SLC24A2: variants seen among roughly 807,000 people sequenced by gnomAD.
SLC24A2 encodes the protein solute carrier family 24 member 2.
In SLC24A2, 36 loss-of-function variants were observed where a neutral mutation model predicts 62.0. The observed-to-expected ratio is 0.58, with a 90% confidence interval of 0.44 to 0.77. The LOEUF (loss-of-function observed/expected upper bound fraction) is 0.77, where lower values mean the gene tolerates loss of function less well. Among genes scored for constraint, SLC24A2 ranks in the 30% least tolerant of loss-of-function variants. The probability of loss-of-function intolerance (pLI) is 0.00; values close to 1 mark genes in which losing one functional copy is unlikely to be tolerated. For missense variants in SLC24A2, 846 were observed against 817.9 expected (o/e 1.03, Z -0.42); for synonymous variants, 358 against 294.0 (o/e 1.22, Z -2.23).
At chr9:19,905,594 G>C in the SLC24A2 span, among the ~76,000 whole-genome samples, 1 of 151,832 alleles carries the variant, frequency 6.6e-6, no homozygotes, top group Admixed American at 6.6e-5. Context: ...TGTATTTTTA[G>C]TAGAGACGGG....
the SLC24A2 span, among the ~76,000 whole-genome samples, chr9:19,911,489 C>A: frequency 1.3e-5 from 2 of 152,098 alleles, no homozygotes; most frequent in South Asian, 4.1e-4. Flanking sequence ...TGAGGAATTG[C>A]CACACTGTGG....
At chr9:19,935,037 ATTTATTTAT>A in the SLC24A2 span, among the ~76,000 whole-genome samples, 3 of 151,254 alleles carry the variant, frequency 2.0e-5, no homozygotes, top group African/African-American at 7.3e-5. Flanking sequence ...TTTTTATTTT[ATTTATTTAT>A]TTTATTTTAT....
rs1832846477 is a variant in SLC24A2 at position 19,514,333 on chromosome 9, G to A, written c.*1820C>T. ...GCAGGCGTCAATGACAGAATAGATT[G>A]GAGATAGGAACACATATGGTGAAAT... On this transcript the variant is annotated 3_prime_UTR_variant, in exon 11 of 11. Transcript: ENST00000341998. 6.6e-6 allele frequency: 1 copy of A among 152,146 alleles called. No homozygotes were observed. Among genetic ancestry groups the A allele is most frequent in the African/African-American group, 2.4e-5 (1 of 41,410 alleles). The allele number at this position is 152,146 out of a possible 1,614,324, so 9.4% of individuals were successfully genotyped here. A position where few individuals can be genotyped will look rare whatever the true frequency, so the allele number is the denominator to read the frequency against.
chr9:20,110,247 G>A, the SLC24A2 span, among the ~76,000 whole-genome samples: 1 of 148,544 alleles, frequency 6.7e-6, no homozygotes, highest in African/African-American at 2.4e-5. Flanking sequence ...AGAATTTTTA[G>A]TTGCTATATT....
the SLC24A2 span, among the ~76,000 whole-genome samples, chr9:19,808,811 T>C: frequency 2.0e-5 from 3 of 152,380 alleles, no homozygotes; most frequent in Middle Eastern, 6.8e-3. The surrounding 1 kb of genome is among the most constrained non-coding windows in gnomAD (Gnocchi z 4.1). Context: ...CTCTACATTC[T>C]GTTTGCTTAT....
the SLC24A2 span, among the ~76,000 whole-genome samples, chr9:19,972,499 T>G: frequency 6.6e-6 from 1 of 152,140 alleles, no homozygotes; most frequent in Non-Finnish European, 1.5e-5. Context: ...GAAAGGGACT[T>G]TTATCCTTAA....
intron 2 of SLC24A2, chr9:19,705,631 T>C (rs886346600): frequency 2.6e-5 from 6 of 226,746 alleles, no homozygotes; most frequent in Non-Finnish European, 5.8e-5. Context: ...AAAAGCCCCC[T>C]AGGATGAAGA....
the SLC24A2 span, among the ~76,000 whole-genome samples, chr9:19,803,752 G>A: frequency 1.2e-3 from 176 of 152,210 alleles, 2 homozygotes; most frequent in African/African-American, 4.1e-3. Context: ...TCAGCTTATG[G>A]TGCTAGAGTT....
In SLC24A2 at chr9:19,533,487, G is replaced by C. The variant is rs149475063; in HGVS notation, c.1480-5349C>G. ...TTGACCAAAAGAATGTATTGGAAGT[G>C]ACAGCGTGCAAATTTCAAACTAGAT... On this transcript the variant is annotated intron_variant, in intron 8 of 10. Coordinates refer to ENST00000341998, the MANE Select transcript of SLC24A2 (RefSeq NM_020344.4). Among the ~76,000 whole-genome samples, 33 of 152,328 alleles carry C rather than the reference G, an allele frequency of 2.2e-4. No homozygotes were observed. The East Asian group carries it at 6.0e-3, about 28-fold the overall frequency.
chr9:19,651,248 G>T (rs767023304), intron 2 of SLC24A2, among the ~76,000 whole-genome samples: 1 of 152,154 alleles, frequency 6.6e-6, no homozygotes, highest in Non-Finnish European at 1.5e-5. Flanking sequence ...ACTTATAATA[G>T]TACTTATTAG....
chr9:19,589,283 G>A (rs1836477306), intron 5 of SLC24A2, among the ~76,000 whole-genome samples: 1 of 152,156 alleles, frequency 6.6e-6, no homozygotes, highest in Non-Finnish European at 1.5e-5. Context: ...GAAATACTAA[G>A]CAGTTGTTAA....
chr9:19,602,845 C>T (rs1836877631), intron 4 of SLC24A2, among the ~76,000 whole-genome samples: 2 of 152,084 alleles, frequency 1.3e-5, no homozygotes, highest in African/African-American at 4.8e-5. Flanking sequence ...ATAAGTTAAT[C>T]TGTATAAAAT....
chr9:19,635,144 C>T (rs945129455), intron 2 of SLC24A2, among the ~76,000 whole-genome samples: 5 of 152,184 alleles, frequency 3.3e-5, no homozygotes, highest in African/African-American at 1.2e-4. Context: ...GTCCTCACTG[C>T]GTTACTGTCA....
chr9:19,813,440 CCT>C, the SLC24A2 span, among the ~76,000 whole-genome samples: 1 of 150,620 alleles, frequency 6.6e-6, no homozygotes, highest in Non-Finnish European at 1.5e-5. Flanking sequence ...CTTGTGCCTC[CCT>C]GAGTAGCTGG....
chr9:19,944,348 G>A, the SLC24A2 span, among the ~76,000 whole-genome samples: 6 of 149,766 alleles, frequency 4.0e-5, no homozygotes, highest in African/African-American at 1.2e-4. Context: ...CTGAGAGGTA[G>A]TATCAATTTA....
At chr9:20,126,324 C>T in the SLC24A2 span, among the ~76,000 whole-genome samples, 1 of 151,902 alleles carries the variant, frequency 6.6e-6, no homozygotes. Flanking sequence ...CTGATCATGC[C>T]TTTTACTCAT....
chr9:19,752,567 T>C (rs185328635), intron 2 of SLC24A2, among the ~76,000 whole-genome samples: 19 of 111,398 alleles, frequency 1.7e-4, no homozygotes, highest in Admixed American at 1.5e-3. Flanking sequence ...GCCATCACAC[T>C]TGGAAAACTC....
At chr9:19,736,887 C>A (rs907486409) in intron 2 of SLC24A2, among the ~76,000 whole-genome samples, 2 of 152,078 alleles carry the variant, frequency 1.3e-5, no homozygotes, top group Non-Finnish European at 2.9e-5. Context: ...AGAGTTAACC[C>A]ATCATGATGA....
chr9:20,198,981 G>C, the SLC24A2 span, among the ~76,000 whole-genome samples: 2 of 152,162 alleles, frequency 1.3e-5, no homozygotes, highest in Non-Finnish European at 2.9e-5. Context: ...AGTTAAATGA[G>C]GCACCTCTTT....
Sources: gnomAD v4.1 joint callset for allele counts (sites outside exome capture counted in the v4.1 genomes callset) on GRCh38, gnomAD v4.1.1 for gene constraint, Gnocchi (gnomAD v3.1) non-coding constraint, MANE v1.5 for transcripts, NCBI Gene and HGNC (gene_info 2026-07-23, HGNC 2026-07-21) for gene names.